The following GALNTL5 variants were observed in gnomAD, a reference collection of about 807,000 sequenced individuals.
The protein encoded by GALNTL5 is inactive polypeptide N-acetylgalactosaminyltransferase-like protein 5.
In GALNTL5, 44 loss-of-function variants were observed where a neutral mutation model predicts 51.0. That is an observed-to-expected ratio of 0.86 (90% CI 0.68 to 1.11). The LOEUF is 1.11. GALNTL5 is among the 50% of genes least tolerant of loss of function. The pLI, the probability that GALNTL5 is intolerant of heterozygous loss-of-function variation, is 0.00. For missense variants in GALNTL5, 528 were observed against 531.8 expected (o/e 0.99, Z 0.07); for synonymous variants, 192 against 182.8 (o/e 1.05, Z -0.41).
At chr7:151,969,608 G>A (rs2081104132) in intron 2 of GALNTL5, among the ~76,000 whole-genome samples, 1 of 152,116 alleles carries the variant, frequency 6.6e-6, no homozygotes, top group Non-Finnish European at 1.5e-5. Flanking sequence ...CTTCCCGGAT[G>A]TCGCCTATTG....
At chr7:152,001,099 G>A (rs1052971330) in intron 5 of GALNTL5, among the ~76,000 whole-genome samples, 1 of 148,722 alleles carries the variant, frequency 6.7e-6, no homozygotes, top group Non-Finnish European at 1.5e-5. Flanking sequence ...TTTTAATAGA[G>A]ACGGGGTTTC....
At chr7:151,979,838 G>T (rs541772654) in intron 3 of GALNTL5, among the ~76,000 whole-genome samples, 1 of 152,240 alleles carries the variant, frequency 6.6e-6, no homozygotes, top group African/African-American at 2.4e-5. Context: ...TCTCTTGGGG[G>T]TCTAAAGAGT....
At chr7:152,008,611 C>A (rs2081684307) in intron 7 of GALNTL5, among the ~76,000 whole-genome samples, 2 of 151,364 alleles carry the variant, frequency 1.3e-5, no homozygotes, top group Non-Finnish European at 2.9e-5. Flanking sequence ...TTAAAGTTCC[C>A]AAGCAGACTT....
rs144120277 is a variant in GALNTL5, at chr7:151,987,766, G to T, written c.658+485G>T. ...AGCTGATGCTTCTGACCCGACACAC[G>T]TGGAGGAGGACAGAGAAGGAAGGAA... On this transcript the variant is annotated intron_variant, in intron 5 of 8. Coordinates refer to ENST00000392800, the MANE Select transcript of GALNTL5 (RefSeq NM_145292.4). 5.6e-3 allele frequency among the ~76,000 whole-genome samples: 859 copies of T among 152,346 alleles called. 5 individuals are homozygous for T. The highest frequency in any genetic ancestry group is 0.018 in the African/African-American group (769 of 41,578).
chr7:151,972,019 C>G (rs969336340), intron 3 of GALNTL5, among the ~76,000 whole-genome samples: 7 of 152,064 alleles, frequency 4.6e-5, no homozygotes, highest in Admixed American at 1.3e-4. Flanking sequence ...AAAATAGGTA[C>G]CAGGAGTGGG....
intron 3 of GALNTL5, among the ~76,000 whole-genome samples, chr7:151,981,591 CTCCTTCCTTCCTTCCCTCCTTCCTTCCT>C (rs2081290287): frequency 3.8e-5 from 2 of 52,206 alleles, no homozygotes; most frequent in African/African-American, 1.0e-4. Context: ...CCTTCCTTCC[CTCCTTCCTTCCTTCCCTCCTTCCTTCCT>C]TCCTTCCTTC....
chr7:152,001,755 A>G (rs1253388365), intron 5 of GALNTL5, among the ~76,000 whole-genome samples: 2 of 152,182 alleles, frequency 1.3e-5, no homozygotes, highest in Admixed American at 1.3e-4. Flanking sequence ...AATTTCTTTA[A>G]AAAGAGCCAG....
chr7:151,973,942 A>C (rs1008052463), intron 3 of GALNTL5, among the ~76,000 whole-genome samples: 12 of 151,990 alleles, frequency 7.9e-5, no homozygotes, highest in African/African-American at 2.9e-4. Flanking sequence ...TTCTCATGAG[A>C]CCTGATGGTT....
At position 151,961,039 on chromosome 7, in the gene GALNTL5, A is replaced by G. The variant is rs186897910; in HGVS notation, c.-40+4430A>G. Among the ~76,000 whole-genome samples, 371 of 152,332 alleles carry G rather than the reference A, an allele frequency of 2.4e-3. 1 individual carries two copies. Among genetic ancestry groups the G allele is most frequent in the African/African-American group, 8.6e-3 (359 of 41,580 alleles). ...ACATGCCTAAGGTCAAAACCGTAGAAGTCAAAGCCAAGCATGGGGGCGTGT... is the reference window on the plus strand; with the variant it reads ...ACATGCCTAAGGTCAAAACCGTAGAGGTCAAAGCCAAGCATGGGGGCGTGT... On this transcript the variant is annotated intron_variant, in intron 1 of 8. Transcript: ENST00000392800.
intron 5 of GALNTL5, among the ~76,000 whole-genome samples, chr7:151,994,136 G>A (rs1334660546): frequency 6.6e-6 from 1 of 152,116 alleles, no homozygotes; most frequent in Non-Finnish European, 1.5e-5. Context: ...CTCTCAGCCT[G>A]TCTGTTCCCT....
At chr7:151,989,089 G>A (rs932844271) in intron 5 of GALNTL5, among the ~76,000 whole-genome samples, 3 of 151,852 alleles carry the variant, frequency 2.0e-5, no homozygotes, top group African/African-American at 7.3e-5. Flanking sequence ...TCCCATGACA[G>A]TACTTAAGAG....
chr7:152,003,847 C>T (rs2081611680), intron 6 of GALNTL5, among the ~76,000 whole-genome samples: 1 of 152,056 alleles, frequency 6.6e-6, no homozygotes, highest in Non-Finnish European at 1.5e-5. Flanking sequence ...CATTTTTAGG[C>T]TCTAATGTAA....
chr7:151,989,405 G>T (rs180744313), intron 5 of GALNTL5, among the ~76,000 whole-genome samples: 1 of 152,152 alleles, frequency 6.6e-6, no homozygotes, highest in Non-Finnish European at 1.5e-5. Flanking sequence ...CGCCCACCTC[G>T]GCCTCCCAAA....
At chr7:151,974,973 T>C (rs1050707036) in intron 3 of GALNTL5, among the ~76,000 whole-genome samples, 1 of 152,336 alleles carries the variant, frequency 6.6e-6, no homozygotes, top group East Asian at 1.9e-4. Context: ...TAAGAGCAAC[T>C]ACCACTATCT....
In GALNTL5 at chr7:152,014,696, A is replaced by G. The variant is rs760168025; in HGVS notation, c.1079A>G (p.His360Arg). The G allele has an allele frequency of 4.3e-6, 7 of 1,614,006 alleles. No individual in the cohort carries two copies. Among genetic ancestry groups the G allele is most frequent in the Non-Finnish European group, 5.1e-6 (6 of 1,179,894 alleles). Residue 360 changes from histidine to arginine, a missense_variant, in exon 8 of 9, where the codon CAT becomes CGT. By Grantham distance (29) the His-to-Arg change is conservative (BLOSUM62 0). Transcript: ENST00000392800. ...LFIIPCSRVG[H>R]ISKKQTGKPS... is the part of the protein sequence containing the mutation. ...ATAATCCCCTGCTCTCGAGTAGGACATATCAGTAAGAAACAAACTGGAAAA... is the reference window on the plus strand; with the variant it reads ...ATAATCCCCTGCTCTCGAGTAGGACGTATCAGTAAGAAACAAACTGGAAAA...
chr7:151,970,794 C>G, intron 2 of GALNTL5, 151 bp from the exon 3 acceptor site: 2 of 551,164 alleles, frequency 3.6e-6, no homozygotes, highest in Non-Finnish European at 6.3e-6. Context: ...CCACCTTTGC[C>G]AAGAATTATT....
intron 7 of GALNTL5, among the ~76,000 whole-genome samples, chr7:152,012,022 T>G (rs2081744063): frequency 6.6e-6 from 1 of 152,214 alleles, no homozygotes; most frequent in Non-Finnish European, 1.5e-5. Flanking sequence ...CTGAATTGGA[T>G]TCAGATCTGA....
At chr7:151,967,643 G>T in intron 2 of GALNTL5, 150 bp downstream of exon 2, 1 of 509,194 alleles carries the variant, frequency 2.0e-6, no homozygotes, top group East Asian at 3.3e-5. Flanking sequence ...TCTATACATA[G>T]AAAATAATAA....
At chr7:151,977,041 T>C (rs1040923414) in intron 3 of GALNTL5, among the ~76,000 whole-genome samples, 4 of 152,134 alleles carry the variant, frequency 2.6e-5, no homozygotes, top group African/African-American at 7.2e-5. Flanking sequence ...CAGTAAGTAA[T>C]GAGAAAAGTA....
Sources: gnomAD v4.1 joint callset for allele counts (sites outside exome capture counted in the v4.1 genomes callset) on GRCh38, gnomAD v4.1.1 for gene constraint, MANE v1.5 for transcripts, NCBI Gene and HGNC (gene_info 2026-07-23, HGNC 2026-07-21) for gene names.